Variants in FAM135A observed in about 807,000 individuals in gnomAD.
The protein encoded by FAM135A is family with sequence similarity 135 member A, also known as protein FAM135A.
FAM135A carries 79 observed loss-of-function variants against 146.8 expected under a neutral mutation model. The ratio of observed to expected loss-of-function variants is 0.54; its 90% confidence interval spans 0.45 to 0.65. The LOEUF is 0.65. FAM135A is among the 30% of genes least tolerant of loss of function. The probability of loss-of-function intolerance (pLI) is 0.00; values close to 1 mark genes in which losing one functional copy is unlikely to be tolerated. For missense variants in FAM135A, 1,623 were observed against 1,758.2 expected (o/e 0.92, Z 1.38); for synonymous variants, 562 against 603.6 (o/e 0.93, Z 1.01).
chr6:70,525,086 A>T lies in FAM135A; in HGVS notation c.2002A>T (p.Ser668Cys). Residue 668 changes from serine to cysteine, a missense_variant, in exon 15 of 22, where the codon AGT becomes TGT. This residue lies in a region of FAM135A where 1,061 missense variants were observed against 1,113.8 expected (regional missense o/e 0.95). Coordinates refer to ENST00000418814, the MANE Select transcript of FAM135A (RefSeq NM_001162529.3). ...AAAGCCCAGTAATAAAGATCCTTTC[A>T]GTGGAGAGAATATAACTGTCAAACT... ...EIKPSNKDPF[S>C]GENITVKLGP... 1 of 1,573,148 alleles carries T rather than the reference A, an allele frequency of 6.4e-7. No homozygotes were observed. Among genetic ancestry groups the T allele is most frequent in the Non-Finnish European group, 8.6e-7 (1 of 1,165,730 alleles).
chr6:70,552,778 A>C (rs187056391), intron 20 of FAM135A, among the ~76,000 whole-genome samples: 2 of 152,138 alleles, frequency 1.3e-5, no homozygotes, highest in African/African-American at 2.4e-5. Context: ...AAACTGCTTC[A>C]GTTCTAAAAA....
chr6:70,456,836 C>G (rs563546469), intron 5 of FAM135A, among the ~76,000 whole-genome samples: 41 of 152,294 alleles, frequency 2.7e-4, no homozygotes, highest in African/African-American at 9.6e-4. Flanking sequence ...TTAACAGTAA[C>G]CCCTGATTAC....
chr6:70,536,339 C>A lies in FAM135A; in HGVS notation c.4045C>A (p.Leu1349Ile). 1 of 1,613,478 alleles carries A rather than the reference C, an allele frequency of 6.2e-7. No homozygotes were observed. Among genetic ancestry groups the A allele is most frequent in the Non-Finnish European group, 8.5e-7 (1 of 1,179,706 alleles). ...AAGGTTTAAATATTACCTCAACAAA[C>A]TTCATACCTTTCTGTCTCTTTCTGG... Reference protein sequence around the residue: ...RPRFKYYLNKLHTFLSLSGPH... With the variant: ...RPRFKYYLNKIHTFLSLSGPH... Residue 1349 changes from leucine to isoleucine, a missense_variant, in exon 19 of 22, where the codon CTT becomes ATT. Coordinates refer to ENST00000418814, the MANE Select transcript of FAM135A (RefSeq NM_001162529.3).
At chr6:70,541,276 G>C (rs930947932) in intron 20 of FAM135A, among the ~76,000 whole-genome samples, 6 of 152,020 alleles carry the variant, frequency 3.9e-5, no homozygotes, top group Non-Finnish European at 5.9e-5. Flanking sequence ...GTGTTGGGGG[G>C]TAGGGTTGAA....
intron 20 of FAM135A, among the ~76,000 whole-genome samples, chr6:70,555,959 A>G (rs1800752823): frequency 6.6e-6 from 1 of 152,130 alleles, no homozygotes; most frequent in Admixed American, 6.5e-5. Context: ...TCATCTCATG[A>G]TTAAGATCCT....
chr6:70,527,857 A>G (rs9455146), intron 15 of FAM135A, among the ~76,000 whole-genome samples: 3,222 of 152,212 alleles, frequency 0.021, 105 homozygotes, highest in African/African-American at 0.074. Flanking sequence ...TCACTGTTAC[A>G]TTTTGTAAAT....
chr6:70,425,842 G>A (rs1222891451), intron 2 of FAM135A, among the ~76,000 whole-genome samples: 1 of 152,158 alleles, frequency 6.6e-6, no homozygotes, highest in Non-Finnish European at 1.5e-5. Flanking sequence ...GGTGGCTCAC[G>A]CCTGTAATCC....
At chr6:70,439,493 CT>C (rs1176225553) in intron 4 of FAM135A, among the ~76,000 whole-genome samples, 1 of 152,044 alleles carries the variant, frequency 6.6e-6, no homozygotes, top group Non-Finnish European at 1.5e-5. Context: ...TTTCTCTTTC[CT>C]TGTATTCTAT....
Position 70,522,705 on chromosome 6 carries a change from T to A in FAM135A, c.1103+119T>A, listed in dbSNP as rs116794758. 1.2e-3 allele frequency: 926 copies of A among 751,326 alleles called. 7 individuals are homozygous for A. The highest frequency in any genetic ancestry group is 0.011 in the African/African-American group (624 of 56,562). The allele number at this position is 751,326 out of a possible 1,614,324, so 46.5% of individuals were successfully genotyped here. On this transcript the variant is annotated intron_variant, in intron 13 of 21. Coordinates refer to ENST00000418814, the MANE Select transcript of FAM135A (RefSeq NM_001162529.3). ...AACAATATAAGAAATTAGGAGAATT[T>A]GAATTTCAGAAATCCCATCTATAAT...
chr6:70,532,218 C>G (rs1795965729), intron 16 of FAM135A, among the ~76,000 whole-genome samples: 2 of 152,042 alleles, frequency 1.3e-5, no homozygotes, highest in South Asian at 4.1e-4. Context: ...AAACTAGATT[C>G]TGTTCAAACA....
intron 16 of FAM135A, 139 bp from the exon 17 acceptor site, chr6:70,533,021 A>AC: frequency 1.5e-6 from 1 of 662,512 alleles, no homozygotes; most frequent in South Asian, 1.8e-5. Flanking sequence ...AAAATTGAGA[A>AC]CTCTATTTCA....
At chr6:70,482,442 T>C (rs1783909302) in intron 10 of FAM135A, among the ~76,000 whole-genome samples, 1 of 152,130 alleles carries the variant, frequency 6.6e-6, no homozygotes, top group South Asian at 2.1e-4. Context: ...AAAAACATGT[T>C]AGAAAGCAAA....
intron 1 of FAM135A, chr6:70,414,135 A>T (rs1766951834): frequency 4.0e-5 from 29 of 730,760 alleles, no homozygotes; most frequent in Non-Finnish European, 4.9e-5. Flanking sequence ...CCTCCTTGGG[A>T]AGCAGCGTAT....
At chr6:70,432,741 C>T (rs1001441648) in intron 4 of FAM135A, among the ~76,000 whole-genome samples, 4 of 151,572 alleles carry the variant, frequency 2.6e-5, no homozygotes, top group African/African-American at 7.3e-5. Flanking sequence ...AAAATATTTT[C>T]TTCCCTTATA....
intron 4 of FAM135A, among the ~76,000 whole-genome samples, chr6:70,432,308 C>G (rs996241895): frequency 6.6e-6 from 1 of 152,082 alleles, no homozygotes; most frequent in Non-Finnish European, 1.5e-5. Context: ...TCTCTTATGA[C>G]TACTTATAAA....
intron 2 of FAM135A, among the ~76,000 whole-genome samples, chr6:70,420,223 A>G (rs1395279835): frequency 6.6e-6 from 1 of 152,200 alleles, no homozygotes; most frequent in Admixed American, 6.5e-5. Flanking sequence ...GAACATCCTC[A>G]GGGCATCTGT....
intron 8 of FAM135A, among the ~76,000 whole-genome samples, chr6:70,478,157 A>G (rs563805490): frequency 3.9e-4 from 59 of 152,278 alleles, no homozygotes; most frequent in Non-Finnish European, 7.9e-4. Flanking sequence ...TTTTAAAACT[A>G]TATCATGTAC....
At chr6:70,415,126 A>G (rs1767274691) in intron 1 of FAM135A, among the ~76,000 whole-genome samples, 165 bp from the exon 2 acceptor site, 1 of 152,192 alleles carries the variant, frequency 6.6e-6, no homozygotes, top group Admixed American at 6.5e-5. Context: ...TTTTTAATTG[A>G]GCAGAAGAAC....
chr6:70,477,135 C>A, intron 7 of FAM135A, 24 bp from the exon 8 acceptor site: 1 of 1,600,222 alleles, frequency 6.2e-7, no homozygotes. Flanking sequence ...TTCATACTTA[C>A]ATGCTAAGTG....
Sources: allele counts gnomAD v4.1 joint callset (sites outside exome capture counted in the v4.1 genomes callset), GRCh38; gene constraint gnomAD v4.1.1; regional missense constraint gnomAD v4.1.1; transcripts MANE v1.5; gene names NCBI Gene and HGNC (gene_info 2026-07-23, HGNC 2026-07-21).